CRY1: variants seen among roughly 807,000 people sequenced by gnomAD.
CRY1 encodes cryptochrome circadian regulator 1.
A neutral mutation model predicts 76.0 loss-of-function variants in CRY1; 45 were observed. That is an observed-to-expected ratio of 0.59 (90% confidence interval 0.47 to 0.76). The LOEUF (loss-of-function observed/expected upper bound fraction) is 0.76. CRY1 is among the 30% of genes least tolerant of loss of function. The pLI is 0.00. For synonymous variants in CRY1, 248 were observed against 244.0 expected (o/e 1.02, Z -0.15); for missense variants, 587 against 716.4 (o/e 0.82, Z 2.06).
At chr12:107,029,880 T>C (rs1014020019) in intron 1 of CRY1, among the ~76,000 whole-genome samples, 3 of 152,216 alleles carry the variant, frequency 2.0e-5, no homozygotes, top group African/African-American at 7.2e-5. Flanking sequence ...TAATATGCTC[T>C]GAAAAATCAG....
chr12:107,082,629 A>G (rs1009503779), intron 1 of CRY1, among the ~76,000 whole-genome samples: 1 of 152,214 alleles, frequency 6.6e-6, no homozygotes, highest in Non-Finnish European at 1.5e-5. Context: ...AGAAGTAAGT[A>G]AGTTCTTTGA....
intron 1 of CRY1, among the ~76,000 whole-genome samples, chr12:107,065,717 G>A (rs1412704090): frequency 6.6e-6 from 1 of 152,182 alleles, no homozygotes; most frequent in Non-Finnish European, 1.5e-5. Flanking sequence ...AATACAGTAT[G>A]TTAAATGATC....
chr12:107,010,553 ATTCTC>A (rs1952433036), intron 2 of CRY1, among the ~76,000 whole-genome samples: 3 of 152,276 alleles, frequency 2.0e-5, no homozygotes, highest in African/African-American at 7.2e-5. Context: ...CATTTTATCA[ATTCTC>A]ACAGTATTTC....
intron 1 of CRY1, among the ~76,000 whole-genome samples, chr12:107,054,628 T>G (rs1952962659): frequency 7.0e-6 from 1 of 143,650 alleles, no homozygotes; most frequent in Non-Finnish European, 1.5e-5. Context: ...ACAAGAGACA[T>G]CTAAAAGACT....
intron 1 of CRY1, among the ~76,000 whole-genome samples, chr12:107,066,666 A>G (rs1305935118): frequency 6.6e-6 from 1 of 152,084 alleles, no homozygotes; most frequent in African/African-American, 2.4e-5. Flanking sequence ...GGGTTTCACC[A>G]TATTGCCCAG....
intron 10 of CRY1, among the ~76,000 whole-genome samples, chr12:106,995,339 C>T (rs981038930): frequency 1.3e-5 from 2 of 152,146 alleles, no homozygotes; most frequent in Non-Finnish European, 2.9e-5. Context: ...CATGAGGATG[C>T]AGGACATTTC....
intron 2 of CRY1, 67 bp downstream of exon 2, chr12:107,022,017 C>G: frequency 8.3e-7 from 1 of 1,210,992 alleles, no homozygotes; most frequent in Non-Finnish European, 1.2e-6. Flanking sequence ...AGTCAAAAAA[C>G]TTTATTTACC....
Position 107,092,210 on chromosome 12 carries a change from C to T in CRY1, c.158+594G>A, listed in dbSNP as rs76336784. ...TAAGATTTCTTTCAGTGCTCTGATC[C>T]CTAGAAGGACTACAACTTGCCTAGA... On this transcript the variant is annotated intron_variant, in intron 1 of 12. Coordinates refer to ENST00000008527, the MANE Select transcript of CRY1 (RefSeq NM_004075.5). 6.8e-3 allele frequency among the ~76,000 whole-genome samples: 1,030 copies of T among 152,186 alleles called. 4 individuals are homozygous for T. Among genetic ancestry groups the T allele is most frequent in the Non-Finnish European group, 0.011 (750 of 68,018 alleles).
intron 2 of CRY1, among the ~76,000 whole-genome samples, chr12:107,007,001 A>G (rs1952384059): frequency 6.6e-6 from 1 of 152,150 alleles, no homozygotes; most frequent in Non-Finnish European, 1.5e-5. Context: ...TCTCATTAAA[A>G]ATTTTTTCCT....
Position 106,999,846 on chromosome 12 carries a change from G to C in CRY1, c.842C>G (p.Ser281Cys), listed in dbSNP as rs1442074916. The C allele has an allele frequency of 8.1e-6, 13 of 1,610,890 alleles. No individual in the cohort carries two copies. The highest frequency in any genetic ancestry group is 1.7e-5 in the Admixed American group (1 of 59,324). The stretch of plus-strand genomic sequence containing the variant: ...TTGCCCATAAAGGGAAAGGGGAGGG[G>C]AACTGTTCTTCTTTACCTATGGTTA... ...DLYKKVKKNS[S>C]PPLSLYGQLL... The change falls in exon 7 of 13, where the codon TCC (serine) becomes TGC (cysteine). Residue 281 changes from serine (S) to cysteine (C), a missense_variant. Ser to Cys is a moderately radical substitution (Grantham distance 112). Coordinates refer to ENST00000008527, the MANE Select transcript of CRY1 (RefSeq NM_004075.5).
intron 1 of CRY1, among the ~76,000 whole-genome samples, chr12:107,053,197 A>G (rs930095342): frequency 6.6e-6 from 1 of 152,256 alleles, no homozygotes; most frequent in Non-Finnish European, 1.5e-5. Context: ...ATACAGTTAA[A>G]AATAACATTT....
chr12:107,009,737 A>G (rs1952422281), intron 2 of CRY1, among the ~76,000 whole-genome samples: 1 of 151,320 alleles, frequency 6.6e-6, no homozygotes, highest in Admixed American at 6.6e-5. Flanking sequence ...TAATGAGACC[A>G]CATAGTGTCT....
rs1593515106 is a variant in CRY1 at position 107,032,814 on chromosome 12, G to A, written c.159-10622C>T. 2.6e-5 allele frequency among the ~76,000 whole-genome samples: 4 copies of A among 152,230 alleles called. No homozygotes were observed. The South Asian group carries it at 6.2e-4, about 24-fold the overall frequency. ...ACAGAGCAAGATCAATTTTAAATTG[G>A]TATCATTTATATGTTTTGAAATTAG... On this transcript the variant is annotated intron_variant, in intron 1 of 12. Coordinates refer to ENST00000008527, the MANE Select transcript of CRY1 (RefSeq NM_004075.5).
At chr12:107,014,935 T>A (rs1215747170) in intron 2 of CRY1, among the ~76,000 whole-genome samples, 1 of 152,156 alleles carries the variant, frequency 6.6e-6, no homozygotes, top group East Asian at 1.9e-4. Flanking sequence ...TAGAGCACAG[T>A]AGTGCAATCT....
At position 106,999,548 on chromosome 12, in the gene CRY1, T is replaced by C. The variant is rs766679349; in HGVS notation, c.1137+3A>G. 3 of 1,607,184 alleles carry C rather than the reference T, an allele frequency of 1.9e-6. No homozygotes were observed. The highest frequency in any genetic ancestry group is 1.7e-6 in the Non-Finnish European group (2 of 1,176,860). ...GGCATGCTATATCAGTTAGAACACTTACCTTCATTCCTTCTTCCCAACTAA... is the reference window on the plus strand; with the variant it reads ...GGCATGCTATATCAGTTAGAACACTCACCTTCATTCCTTCTTCCCAACTAA... On this transcript the variant is annotated splice_donor_region_variant and intron_variant, in intron 7 of 12. Coordinates refer to ENST00000008527, the MANE Select transcript of CRY1 (RefSeq NM_004075.5).
intron 2 of CRY1, among the ~76,000 whole-genome samples, chr12:107,018,715 T>C (rs917763559): frequency 1.3e-5 from 2 of 152,138 alleles, no homozygotes; most frequent in African/African-American, 4.8e-5. Context: ...TTATTAAAAG[T>C]TTCTGCAGGG....
Position 107,001,340 on chromosome 12 carries a change from T to C in CRY1, c.624A>G (p.Ala208=). ...LGFDTDGLSS[A]VWPGGETEAL... is the part of the protein sequence containing the mutation. ...CTTCAGTTTCTCCACCTGGCCACAC[T>C]GCAGAGGATAAGCCATCTGTATCAA... Residue 208 remains alanine (A), a synonymous_variant, in exon 5 of 13, where the codon GCA becomes GCG. Coordinates refer to ENST00000008527, the MANE Select transcript of CRY1 (RefSeq NM_004075.5). 1 of 1,613,540 alleles carries C rather than the reference T, an allele frequency of 6.2e-7. No individual in the cohort carries two copies.
chr12:107,052,415 T>C (rs1174191488), intron 1 of CRY1, among the ~76,000 whole-genome samples: 1 of 152,176 alleles, frequency 6.6e-6, no homozygotes, highest in Non-Finnish European at 1.5e-5. Context: ...TACTAGATAT[T>C]AGAAACACAC....
At chr12:106,993,127 T>A in intron 10 of CRY1, 91 bp from the exon 11 acceptor site, 1 of 1,174,340 alleles carries the variant, frequency 8.5e-7, no homozygotes. Context: ...TTAGCGCTTG[T>A]ACTTAAGGTC....
Sources: gnomAD v4.1 joint callset for allele counts (sites outside exome capture counted in the v4.1 genomes callset) on GRCh38, gnomAD v4.1.1 for gene constraint, MANE v1.5 for transcripts, NCBI Gene and HGNC (gene_info 2026-07-23, HGNC 2026-07-21) for gene names.